USP49: variants seen among roughly 807,000 people sequenced by gnomAD.
The protein encoded by USP49 is ubiquitin specific peptidase 49, also known as ubiquitin carboxyl-terminal hydrolase 49.
A neutral mutation model predicts 58.6 loss-of-function variants in USP49; 24 were observed. The observed-to-expected ratio is 0.41, with a 90% CI of 0.30 to 0.58. USP49 has a LOEUF of 0.58. USP49 is among the 20% of genes least tolerant of loss of function. The pLI is 0.30. For synonymous variants in USP49, 408 were observed against 365.1 expected, an observed-to-expected ratio of 1.12 and a Z score of -1.34; for missense variants, 703 against 866.1, an observed-to-expected ratio of 0.81 and a Z score of 2.36.
chr6:41,806,042 C>T lies in USP49; in HGVS notation c.942G>A (p.Glu314=). Residue 314 remains glutamate (E), a synonymous_variant, in exon 4 of 8, where the codon GAG becomes GAA. Coordinates refer to ENST00000682992, the MANE Select transcript of USP49 (RefSeq NM_001286554.2). This position sits in a 1 kb window ranked among gnomAD's most constrained non-coding sequence, Gnocchi z 5.9. ...SGKPTNSSAT[E]LSLRNDRAEA... ...CGGCCCTGTCATTTCTCAAGGACAG[C>T]TCCGTGGCCGAGCTGTTGGTTGGCT... is the stretch of plus-strand genomic sequence containing the variant. 2.5e-6 allele frequency: 4 copies of T among 1,614,048 alleles called. No homozygotes were observed. The highest frequency in any genetic ancestry group is 2.2e-5 in the East Asian group (1 of 44,882).
Position 41,849,607 on chromosome 6 carries a change from CTTTCTTTTT to C in USP49, c.-29+21948_-29+21956del, listed in dbSNP as rs569336116. 3.4e-4 allele frequency among the ~76,000 whole-genome samples: 51 copies of C among 150,970 alleles called. 1 individual carries two copies. In the East Asian group the frequency reaches 8.4e-3, roughly 25 times the overall value. On this transcript the variant is annotated intron_variant, in intron 3 of 7. Transcript: ENST00000682992. ...AATCACACAAAGTATCTTTTCTTTT[CTTTCTTTTT>C]TTTTTTTTTGGAGACTGAGTGTTGC...
chr6:41,875,503 G>C (rs1357599968), intron 2 of USP49, among the ~76,000 whole-genome samples: 2 of 152,196 alleles, frequency 1.3e-5, no homozygotes, highest in African/African-American at 4.8e-5. Context: ...CTTGTCCTTA[G>C]TAGGTGCTTC....
At chr6:41,807,797 C>T in intron 3 of USP49, among the ~76,000 whole-genome samples, 1 of 147,302 alleles carries the variant, frequency 6.8e-6, no homozygotes, top group East Asian at 2.0e-4. Flanking sequence ...TTTTTGAGGT[C>T]GAGCCTCCCT....
chr6:41,868,709 A>G (rs1308947409), intron 3 of USP49: 1 of 152,120 alleles, frequency 6.6e-6, no homozygotes, highest in African/African-American at 2.4e-5. Context: ...ATAATAATCT[A>G]ATCTACTCCA....
intron 2 of USP49, among the ~76,000 whole-genome samples, chr6:41,875,453 T>C (rs1433490319): frequency 2.6e-5 from 4 of 152,220 alleles, no homozygotes; most frequent in East Asian, 3.8e-4. Flanking sequence ...GTCTTACTTA[T>C]TGTGATAGTA....
chr6:41,842,617 G>GA (rs554032400), intron 3 of USP49, among the ~76,000 whole-genome samples: 31 of 151,394 alleles, frequency 2.0e-4, no homozygotes, highest in Non-Finnish European at 3.4e-4. Flanking sequence ...TGCCCTAAAA[G>GA]AAAAAAAACC....
intron 3 of USP49, among the ~76,000 whole-genome samples, chr6:41,824,947 A>C (rs1773513917): frequency 6.6e-6 from 1 of 152,220 alleles, no homozygotes; most frequent in Admixed American, 6.5e-5. Context: ...TCTCTTGTAC[A>C]AGAATAAAGC....
chr6:41,797,341 C>T (rs1219358826), intron 7 of USP49, among the ~76,000 whole-genome samples: 1 of 152,088 alleles, frequency 6.6e-6, no homozygotes, highest in Non-Finnish European at 1.5e-5. Context: ...TGCGATACTG[C>T]AGGCTAAGCA....
At chr6:41,855,174 C>T (rs1197748791) in intron 3 of USP49, among the ~76,000 whole-genome samples, 3 of 150,706 alleles carry the variant, frequency 2.0e-5, no homozygotes, top group Non-Finnish European at 4.4e-5. Flanking sequence ...AGCTCTTCTG[C>T]TATAGAGACT....
intron 3 of USP49, among the ~76,000 whole-genome samples, chr6:41,812,257 T>C (rs1773270460): frequency 6.6e-6 from 1 of 151,802 alleles, no homozygotes; most frequent in Non-Finnish European, 1.5e-5. Context: ...TTTTGTATTT[T>C]TAGTAGAGAC....
chr6:41,815,358 T>C (rs902702157), intron 3 of USP49, among the ~76,000 whole-genome samples: 2 of 151,752 alleles, frequency 1.3e-5, no homozygotes, highest in African/African-American at 4.8e-5. Flanking sequence ...GAGGCGGAGC[T>C]TCCAGTGAGC....
chr6:41,880,749 G>A (rs1774589673), intron 2 of USP49, among the ~76,000 whole-genome samples: 1 of 151,870 alleles, frequency 6.6e-6, no homozygotes, highest in South Asian at 2.1e-4. Context: ...AGCTTCTGGG[G>A]GACATGCTCC....
intron 6 of USP49, 64 bp downstream of exon 6, chr6:41,799,766 C>G: frequency 9.6e-6 from 14 of 1,460,310 alleles, no homozygotes; most frequent in Non-Finnish European, 1.3e-5. Flanking sequence ...TTGCCCTCAC[C>G]AAAGCCTTTG....
chr6:41,844,722 C>A (rs1037209788), intron 3 of USP49, among the ~76,000 whole-genome samples: 1 of 151,142 alleles, frequency 6.6e-6, no homozygotes, highest in Non-Finnish European at 1.5e-5. Flanking sequence ...ACAGTGATAT[C>A]CATTTATACA....
chr6:41,796,864 T>C, intron 7 of USP49, 141 bp from the exon 8 acceptor site: 1 of 602,274 alleles, frequency 1.7e-6, no homozygotes, highest in Non-Finnish European at 3.0e-6. Flanking sequence ...AAGGGACAGG[T>C]AAATGAAACT....
chr6:41,821,153 G>A (rs1440227644), intron 3 of USP49, among the ~76,000 whole-genome samples: 1 of 152,110 alleles, frequency 6.6e-6, no homozygotes, highest in Non-Finnish European at 1.5e-5. Context: ...ATCATTTCTA[G>A]TTTTACTTTG....
In USP49 at chr6:41,815,143, G is replaced by A. The variant is rs770529821; in HGVS notation, c.-28-8132C>T. Among the ~76,000 whole-genome samples, 142 of 152,036 alleles carry A rather than the reference G, an allele frequency of 9.3e-4. 2 individuals are homozygous for A. The highest frequency in any genetic ancestry group is 5.4e-4 in the Non-Finnish European group (37 of 68,002). ...TCAAAACAAAAACAAAAAGGGGGCC[G>A]GGCGTGGTGGCTCACACCTGTAATC... On this transcript the variant is annotated intron_variant, in intron 3 of 7. Coordinates refer to ENST00000682992, the MANE Select transcript of USP49 (RefSeq NM_001286554.2).
At chr6:41,877,430 C>G (rs1400855049) in intron 2 of USP49, among the ~76,000 whole-genome samples, 1 of 152,188 alleles carries the variant, frequency 6.6e-6, no homozygotes, top group Non-Finnish European at 1.5e-5. Context: ...GAATGGCAAT[C>G]TAGACTGTGA....
intron 3 of USP49, among the ~76,000 whole-genome samples, chr6:41,814,417 A>G (rs1257782654): frequency 1.3e-5 from 2 of 152,250 alleles, no homozygotes; most frequent in Admixed American, 6.5e-5. Context: ...AAAAACTTCT[A>G]GATTTATCAT....
Sources: allele counts gnomAD v4.1 joint callset (sites outside exome capture counted in the v4.1 genomes callset), GRCh38; gene constraint gnomAD v4.1.1; non-coding constraint Gnocchi (gnomAD v3.1); transcripts MANE v1.5; gene names NCBI Gene and HGNC (gene_info 2026-07-23, HGNC 2026-07-21).